The following BAIAP2 variants were observed in gnomAD, a reference collection of about 807,000 sequenced individuals.
BAIAP2 encodes BAR/IMD domain-containing adapter protein 2.
Under a neutral mutation model 63.0 loss-of-function variants are expected in BAIAP2, and 18 were observed. The observed-to-expected ratio is 0.29, with a 90% CI of 0.20 to 0.42. The LOEUF (loss-of-function observed/expected upper bound fraction) is 0.42, where lower values mean the gene tolerates loss of function less well. BAIAP2 is among the 10% of genes least tolerant of loss of function. The pLI is 1.00. For missense variants in BAIAP2, 610 were observed against 734.3 expected, an observed-to-expected ratio of 0.83 and a Z score of 1.96; for synonymous variants, 386 against 307.6, an observed-to-expected ratio of 1.25 and a Z score of -2.67.
At chr17:81,085,443 C>G in intron 4 of BAIAP2, 1 of 684,170 alleles carries the variant, frequency 1.5e-6, no homozygotes, top group Non-Finnish European at 2.7e-6. Flanking sequence ...GATTGTCCGA[C>G]GTTCCAGACT....
At position 81,100,140 on chromosome 17, in the gene BAIAP2, G is replaced by T; in HGVS notation, c.642+60G>T. Reference sequence around the variant, plus strand: ...GGGCCTTGCTGGCAGAAATGACCCAGGCCCCTGCCCCAGCCCCAGCCCCGT... The same window carrying T: ...GGGCCTTGCTGGCAGAAATGACCCATGCCCCTGCCCCAGCCCCAGCCCCGT... On this transcript the variant is annotated intron_variant, in intron 7 of 13. Coordinates refer to ENST00000428708, the MANE Select transcript of BAIAP2 (RefSeq NM_001144888.2). 3 of 1,546,624 alleles carry T rather than the reference G, an allele frequency of 1.9e-6. No individual in the cohort carries two copies. In the South Asian group the frequency reaches 3.6e-5, roughly 19 times the overall value.
At chr17:81,049,084 C>A (rs1394110144) in intron 1 of BAIAP2, among the ~76,000 whole-genome samples, 1 of 152,240 alleles carries the variant, frequency 6.6e-6, no homozygotes, top group Non-Finnish European at 1.5e-5. Context: ...CGTGCCGGCC[C>A]GGGAACGCGG....
chr17:81,058,233 G>C (rs961318442), intron 3 of BAIAP2, among the ~76,000 whole-genome samples: 24 of 152,156 alleles, frequency 1.6e-4, no homozygotes, highest in Admixed American at 4.6e-4. Flanking sequence ...CGGCAAATTG[G>C]AGCGGCTGAC....
intron 6 of BAIAP2, among the ~76,000 whole-genome samples, chr17:81,088,848 G>A (rs967728589): frequency 5.9e-5 from 9 of 152,244 alleles, no homozygotes; most frequent in East Asian, 1.9e-4. Flanking sequence ...AGATCGCGGC[G>A]GGGTAGCATA....
chr17:81,074,988 A>G (rs1480538846), intron 3 of BAIAP2, among the ~76,000 whole-genome samples: 2 of 152,248 alleles, frequency 1.3e-5, no homozygotes, highest in Non-Finnish European at 2.9e-5. Flanking sequence ...TTTCTAAACC[A>G]CAGGGAAGAA....
At chr17:81,049,113 G>A (rs879912289) in intron 1 of BAIAP2, among the ~76,000 whole-genome samples, 28 of 152,252 alleles carry the variant, frequency 1.8e-4, no homozygotes, top group Admixed American at 3.9e-4. Flanking sequence ...GCCAGTGCGT[G>A]GTCGCCGGGG....
chr17:81,049,629 C>T (rs1039807305), intron 1 of BAIAP2, among the ~76,000 whole-genome samples: 16 of 152,230 alleles, frequency 1.1e-4, no homozygotes, highest in African/African-American at 3.6e-4. Context: ...GATACACTCG[C>T]TCAGTGACTC....
intron 6 of BAIAP2, among the ~76,000 whole-genome samples, chr17:81,094,966 T>A (rs1009327665): frequency 6.6e-6 from 1 of 152,102 alleles, no homozygotes; most frequent in Non-Finnish European, 1.5e-5. Context: ...GCCGCCTTGG[T>A]TTTTTCTGGA....
At position 81,103,893 on chromosome 17, in the gene BAIAP2, C is replaced by T. The variant is rs2058812666; in HGVS notation, c.865-14C>T. On this transcript the variant is annotated splice_polypyrimidine_tract_variant and intron_variant, in intron 8 of 13. Coordinates refer to ENST00000428708, the MANE Select transcript of BAIAP2 (RefSeq NM_001144888.2). ...GGGCTCCAGCAACAGCCTGCTCTGC[C>T]TGCTTCCCTGCAGCGGATGTCTGCC... The T allele has an allele frequency of 4.3e-6, 7 of 1,612,636 alleles. No homozygotes were observed. Among genetic ancestry groups the T allele is most frequent in the Middle Eastern group, 3.3e-4 (2 of 5,990 alleles).
At chr17:81,110,071 C>A in intron 13 of BAIAP2, 3 of 985,498 alleles carry the variant, frequency 3.0e-6, no homozygotes, top group Non-Finnish European at 3.6e-6. Context: ...TCTTCCCACA[C>A]TGAACTCTGG....
At position 81,098,236 on chromosome 17, in the gene BAIAP2, G is replaced by A; in HGVS notation, c.490-1692G>A. ...AGCCCTGCACCCATGGGCAGGCTGGGAGGCGCCTCTGCCCAGGATGGGAGC... is the reference window on the plus strand; with the variant it reads ...AGCCCTGCACCCATGGGCAGGCTGGAAGGCGCCTCTGCCCAGGATGGGAGC... On this transcript the variant is annotated intron_variant, in intron 6 of 13. Coordinates refer to ENST00000428708, the MANE Select transcript of BAIAP2 (RefSeq NM_001144888.2). 5.5e-6 allele frequency: 7 copies of A among 1,283,954 alleles called. No individual in the cohort carries two copies. The South Asian group carries it at 1.4e-4, about 26-fold the overall frequency. The allele number at this position is 1,283,954 out of a possible 1,614,324, so 79.5% of individuals were successfully genotyped here.
chr17:81,041,627 T>G (rs2047091416), intron 1 of BAIAP2, among the ~76,000 whole-genome samples: 1 of 152,210 alleles, frequency 6.6e-6, no homozygotes, highest in Non-Finnish European at 1.5e-5. Context: ...CAGGCTGGAG[T>G]GCAGTGGCGT....
At chr17:81,058,442 C>T (rs1381374872) in intron 3 of BAIAP2, among the ~76,000 whole-genome samples, 1 of 152,224 alleles carries the variant, frequency 6.6e-6, no homozygotes, top group Admixed American at 6.5e-5. Flanking sequence ...TTTCTGTGAT[C>T]GCTCCTGTGA....
chr17:81,091,960 C>T (rs779238776), intron 6 of BAIAP2, among the ~76,000 whole-genome samples: 3 of 152,274 alleles, frequency 2.0e-5, no homozygotes, highest in Non-Finnish European at 4.4e-5. Context: ...GTTCAGGCAG[C>T]TCCACGGGCT....
intron 6 of BAIAP2, among the ~76,000 whole-genome samples, chr17:81,093,798 C>T (rs2057198169): frequency 6.6e-6 from 1 of 152,164 alleles, no homozygotes; most frequent in Non-Finnish European, 1.5e-5. Context: ...ACAAAGCACC[C>T]TCGTTCAGAT....
chr17:81,086,637 C>T, intron 6 of BAIAP2, 57 bp downstream of exon 6: 4 of 1,595,544 alleles, frequency 2.5e-6, no homozygotes, highest in Admixed American at 1.7e-5. Flanking sequence ...CTGCTCACCC[C>T]TCGGCCCCCC....
intron 1 of BAIAP2, among the ~76,000 whole-genome samples, chr17:81,038,936 G>A (rs975656670): frequency 9.2e-5 from 14 of 152,164 alleles, no homozygotes; most frequent in African/African-American, 3.1e-4. Flanking sequence ...GAGGAGGAGA[G>A]AAATCACAGT....
chr17:81,102,671 A>C (rs547025257), intron 7 of BAIAP2, among the ~76,000 whole-genome samples: 1 of 152,204 alleles, frequency 6.6e-6, no homozygotes, highest in Admixed American at 6.5e-5. Flanking sequence ...CTGTCGTCCA[A>C]CATCCTCCGT....
intron 2 of BAIAP2, among the ~76,000 whole-genome samples, chr17:81,055,263 G>A (rs1034182048): frequency 6.7e-6 from 1 of 150,270 alleles, no homozygotes; most frequent in Admixed American, 6.8e-5. Context: ...CTGGCAGAAG[G>A]CCTGTCCCTG....
Sources: allele counts gnomAD v4.1 joint callset (sites outside exome capture counted in the v4.1 genomes callset), GRCh38; gene constraint gnomAD v4.1.1; transcripts MANE v1.5; gene names NCBI Gene and HGNC (gene_info 2026-07-23, HGNC 2026-07-21).